SEPSECS: variants seen among roughly 807,000 people sequenced by gnomAD.
SEPSECS encodes Sep (O-phosphoserine) tRNA:Sec (selenocysteine) tRNA synthase, also known as O-phosphoseryl-tRNA(Sec) selenium transferase.
A neutral mutation model predicts 52.1 loss-of-function variants in SEPSECS; 42 were observed. The ratio of observed to expected loss-of-function variants is 0.81; its 90% CI spans 0.63 to 1.04. The LOEUF (loss-of-function observed/expected upper bound fraction) is 1.04, where lower values mean the gene tolerates loss of function less well. Among genes scored for constraint, SEPSECS ranks in the 50% least tolerant of loss-of-function variants. SEPSECS has a pLI of 0.00. For synonymous variants in SEPSECS, 216 were observed against 211.4 expected (o/e 1.02, Z -0.19); for missense variants, 590 against 610.6 (o/e 0.97, Z 0.36).
At chr4:25,149,060 G>A (rs1712153804) in intron 6 of SEPSECS, among the ~76,000 whole-genome samples, 1 of 151,802 alleles carries the variant, frequency 6.6e-6, no homozygotes. Context: ...TTGTATTCTG[G>A]AGCTTTTATT....
At chr4:25,154,850 G>C in intron 5 of SEPSECS, 148 bp downstream of exon 5, 1 of 861,378 alleles carries the variant, frequency 1.2e-6, no homozygotes, top group South Asian at 1.6e-5. Flanking sequence ...AGCTGTTAAT[G>C]CTATTTCTCC....
intron 6 of SEPSECS, among the ~76,000 whole-genome samples, chr4:25,147,187 C>A (rs1577620894): frequency 6.6e-6 from 1 of 152,340 alleles, no homozygotes; most frequent in Non-Finnish European, 1.5e-5. Flanking sequence ...GCTCCACTCA[C>A]ATGTACTTCT....
At chr4:25,147,971 C>T (rs1023324858) in intron 6 of SEPSECS, among the ~76,000 whole-genome samples, 1 of 152,138 alleles carries the variant, frequency 6.6e-6, no homozygotes, top group East Asian at 1.9e-4. Flanking sequence ...AGGGAAGTCA[C>T]TTAATCCCAC....
intron 1 of SEPSECS, chr4:25,159,797 T>C: frequency 9.1e-7 from 1 of 1,094,750 alleles, no homozygotes; most frequent in African/African-American, 1.7e-5. Flanking sequence ...AACAAAACTT[T>C]TAATGAAATT....
rs1728113705 is a variant in SEPSECS, at chr4:25,121,244, T to A, written c.*2687A>T. On this transcript the variant is annotated 3_prime_UTR_variant, in exon 11 of 11. Coordinates refer to ENST00000382103, the MANE Select transcript of SEPSECS (RefSeq NM_016955.4). ...AGGACCTAAGAACCAAACTGCGAGT[T>A]TGATTTAAAATTCCCTTCCCTGCCA... 6.6e-6 allele frequency: 1 copy of A among 152,262 alleles called. No individual in the cohort carries two copies. Among genetic ancestry groups the A allele is most frequent in the African/African-American group, 2.4e-5 (1 of 41,574 alleles). 9.4% of individuals were successfully genotyped at this position (152,262 alleles called of 1,614,324 possible). A position where few individuals can be genotyped will look rare whatever the true frequency, so the allele number is the denominator to read the frequency against.
intron 7 of SEPSECS, 30 bp downstream of exon 7, chr4:25,144,974 C>G (rs1360606344): frequency 1.9e-6 from 3 of 1,613,446 alleles, no homozygotes; most frequent in Admixed American, 1.7e-5. Context: ...TTGTTAGCTA[C>G]TTTTTCTGAA....
rs776881142 is a variant in SEPSECS, at chr4:25,160,287, T to G, written c.83A>C (p.His28Pro). Residue 28 changes from histidine (H) to proline (P), a missense_variant, in exon 1 of 11, where the codon CAT (histidine) becomes CCT (proline). Coordinates refer to ENST00000382103, the MANE Select transcript of SEPSECS (RefSeq NM_016955.4). ...VRQGCEARRSHEHLIRLLLEK... is the reference protein window; with the variant it reads ...VRQGCEARRSPEHLIRLLLEK... The stretch of plus-strand genomic sequence containing the variant: ...CAGAAGCAGCCGTATGAGGTGCTCA[T>G]GCGAGCGGCGGGCCTCACAGCCCTG... 6.4e-7 allele frequency: 1 copy of G among 1,555,156 alleles called. No homozygotes were observed. Among genetic ancestry groups the G allele is most frequent in the Non-Finnish European group, 8.7e-7 (1 of 1,148,804 alleles).
intron 5 of SEPSECS, among the ~76,000 whole-genome samples, chr4:25,152,657 A>G (rs1712370214): frequency 6.6e-6 from 1 of 151,794 alleles, no homozygotes; most frequent in African/African-American, 2.4e-5. Flanking sequence ...ACCCTTATCT[A>G]CTCTTACTTT....
Position 25,156,023 on chromosome 4 carries a change from G to C in SEPSECS, c.547+14C>G. 1.2e-6 allele frequency: 2 copies of C among 1,606,824 alleles called. No homozygotes were observed. Among genetic ancestry groups the C allele is most frequent in the Non-Finnish European group, 1.7e-6 (2 of 1,173,576 alleles). On this transcript the variant is annotated intron_variant, in intron 4 of 10. Transcript: ENST00000382103. ...TTATGATGTTTAAAACATTATGTAT[G>C]ACACTTCTCTTACCTGCAGTGATCA...
intron 8 of SEPSECS, 142 bp downstream of exon 8, chr4:25,144,632 T>C: frequency 1.6e-6 from 1 of 643,926 alleles, no homozygotes; most frequent in Non-Finnish European, 2.8e-6. Flanking sequence ...CCACCTATGG[T>C]GGTTCCAGAT....
At chr4:25,131,522 A>C (rs911575336) in intron 8 of SEPSECS, among the ~76,000 whole-genome samples, 1 of 152,154 alleles carries the variant, frequency 6.6e-6, no homozygotes, top group Non-Finnish European at 1.5e-5. Context: ...GGCCACCTAA[A>C]AGGATCCAGG....
chr4:25,150,647 C>CA (rs1358823338), intron 6 of SEPSECS, among the ~76,000 whole-genome samples: 13 of 151,720 alleles, frequency 8.6e-5, no homozygotes, highest in Non-Finnish European at 1.9e-4. Flanking sequence ...TTTCAGATGT[C>CA]AAAATGTAGA....
intron 6 of SEPSECS, among the ~76,000 whole-genome samples, chr4:25,148,223 G>A (rs1345908489): frequency 6.6e-6 from 1 of 151,994 alleles, no homozygotes; most frequent in Non-Finnish European, 1.5e-5. Context: ...CATGGTGGTG[G>A]GCGCCTGTAG....
intron 8 of SEPSECS, among the ~76,000 whole-genome samples, chr4:25,143,887 T>C (rs561721404): frequency 4.6e-5 from 7 of 152,348 alleles, no homozygotes; most frequent in South Asian, 2.1e-4. Flanking sequence ...CTCTCCCAGA[T>C]AGAAGATGAA....
chr4:25,151,599 A>G (rs956743106), intron 6 of SEPSECS, among the ~76,000 whole-genome samples: 5 of 152,256 alleles, frequency 3.3e-5, no homozygotes, highest in Admixed American at 1.3e-4. Context: ...AGTCTAAGAT[A>G]ATAAGGTACA....
At position 25,122,655 on chromosome 4, in the gene SEPSECS, C is replaced by G. The variant is rs1322964752; in HGVS notation, c.*1276G>C. On this transcript the variant is annotated 3_prime_UTR_variant, in exon 11 of 11. Coordinates refer to ENST00000382103, the MANE Select transcript of SEPSECS (RefSeq NM_016955.4). ...CATGAGCATCTTTTAGGAACATGAT[C>G]CACAGAGCTGGGTTTGAGAAACATA... 2.0e-5 allele frequency: 3 copies of G among 152,142 alleles called. No individual in the cohort carries two copies. The highest frequency in any genetic ancestry group is 4.8e-5 in the African/African-American group (2 of 41,432). 9.4% of individuals were successfully genotyped at this position (152,142 alleles called of 1,614,324 possible).
chr4:25,136,740 A>G (rs1728858839), intron 8 of SEPSECS, among the ~76,000 whole-genome samples: 1 of 152,204 alleles, frequency 6.6e-6, no homozygotes, highest in South Asian at 2.1e-4. Context: ...GAACCAAAAA[A>G]GAGTCTGTAT....
In SEPSECS at chr4:25,156,333, A is replaced by C. The variant is rs62411564; in HGVS notation, c.389-138T>G. On this transcript the variant is annotated intron_variant, in intron 3 of 10. Coordinates refer to ENST00000382103, the MANE Select transcript of SEPSECS (RefSeq NM_016955.4). ...TCTGTTTCTGTACTCGCTCTTGGAA[A>C]GCTCAATGCCAAATTCAACTTCAGG... 67,880 of 682,962 alleles carry C rather than the reference A, an allele frequency of 0.099. 3,872 individuals carry two copies. Among genetic ancestry groups the C allele is most frequent in the African/African-American group, 0.13 (7,228 of 55,502 alleles). The allele number at this position is 682,962 out of a possible 1,614,324, so 42.3% of individuals were successfully genotyped here. A position where few individuals can be genotyped will look rare whatever the true frequency, so the allele number is the denominator to read the frequency against.
chr4:25,139,172 T>G (rs1025981707), intron 8 of SEPSECS, among the ~76,000 whole-genome samples: 6 of 152,156 alleles, frequency 3.9e-5, no homozygotes, highest in African/African-American at 1.4e-4. Context: ...TTGTAACTAT[T>G]TAATATCTAG....
Sources: gnomAD v4.1 joint callset for allele counts (sites outside exome capture counted in the v4.1 genomes callset) on GRCh38, gnomAD v4.1.1 for gene constraint, MANE v1.5 for transcripts, NCBI Gene and HGNC (gene_info 2026-07-23, HGNC 2026-07-21) for gene names.